ADAMTS19: variants seen among roughly 807,000 people sequenced by gnomAD.
ADAMTS19 encodes ADAM metallopeptidase with thrombospondin type 1 motif 19.
A neutral mutation model predicts 153.3 loss-of-function variants in ADAMTS19; 93 were observed. The observed-to-expected ratio is 0.61, with a 90% CI of 0.51 to 0.72. The LOEUF (loss-of-function observed/expected upper bound fraction) is 0.72. Ranked by LOEUF, ADAMTS19 falls within the 30% of genes least tolerant of loss-of-function variation. ADAMTS19 has a pLI of 0.00. For missense variants in ADAMTS19, 1,482 were observed against 1,552.1 expected, an observed-to-expected ratio of 0.95 and a Z score of 0.76; for synonymous variants, 600 against 556.6, an observed-to-expected ratio of 1.08 and a Z score of -1.10.
At chr5:129,582,999 T>C (rs971418061) in intron 7 of ADAMTS19, among the ~76,000 whole-genome samples, 3 of 152,212 alleles carry the variant, frequency 2.0e-5, no homozygotes, top group Non-Finnish European at 4.4e-5. Flanking sequence ...AGTTTCTTCA[T>C]AGTGTTGGTG....
chr5:129,497,872 C>T (rs749154414), intron 2 of ADAMTS19, among the ~76,000 whole-genome samples: 6 of 152,042 alleles, frequency 3.9e-5, no homozygotes, highest in Non-Finnish European at 7.4e-5. Flanking sequence ...AAACTGGCCT[C>T]CCTCATTCTA....
intron 7 of ADAMTS19, among the ~76,000 whole-genome samples, chr5:129,577,105 T>C (rs2126875586): frequency 6.6e-6 from 1 of 152,260 alleles, no homozygotes; most frequent in Admixed American, 6.5e-5. Flanking sequence ...CCAAAAGTGT[T>C]CACTAATCCT....
intron 10 of ADAMTS19, among the ~76,000 whole-genome samples, chr5:129,641,381 CA>C (rs1157556731): frequency 2.0e-5 from 3 of 152,108 alleles, no homozygotes; most frequent in African/African-American, 7.2e-5. Context: ...TATATTGTGT[CA>C]GGGGTCAAGA....
At chr5:129,640,634 C>T (rs1752747202) in intron 10 of ADAMTS19, among the ~76,000 whole-genome samples, 1 of 151,986 alleles carries the variant, frequency 6.6e-6, no homozygotes, top group Non-Finnish European at 1.5e-5. Context: ...TCTTTTCAGC[C>T]TTGTTCTTTA....
At chr5:129,702,449 TA>T (rs1375672390) in intron 20 of ADAMTS19, among the ~76,000 whole-genome samples, 5 of 152,122 alleles carry the variant, frequency 3.3e-5, no homozygotes, top group Admixed American at 2.6e-4. Flanking sequence ...AAATGATAAT[TA>T]AAAAATGCTG....
At chr5:129,585,086 A>G (rs1208566896) in intron 7 of ADAMTS19, among the ~76,000 whole-genome samples, 1 of 152,054 alleles carries the variant, frequency 6.6e-6, no homozygotes, top group Non-Finnish European at 1.5e-5. Context: ...AAAGCGTAGC[A>G]TTTGGGGCCG....
chr5:129,537,629 A>G (rs1454473513), intron 6 of ADAMTS19, among the ~76,000 whole-genome samples: 1 of 152,146 alleles, frequency 6.6e-6, no homozygotes, highest in Non-Finnish European at 1.5e-5. Flanking sequence ...CTTTGTAGGG[A>G]CATGGATGAA....
chr5:129,622,074 A>G (rs1228963032), intron 9 of ADAMTS19, 124 bp from the exon 10 acceptor site: 3 of 866,800 alleles, frequency 3.5e-6, no homozygotes, highest in African/African-American at 1.7e-5. Context: ...TTCTATGAGT[A>G]TTCAATGGAA....
At chr5:129,478,945 A>G (rs980918848) in intron 2 of ADAMTS19, among the ~76,000 whole-genome samples, 1 of 152,210 alleles carries the variant, frequency 6.6e-6, no homozygotes, top group African/African-American at 2.4e-5. Context: ...GGACCAGAAT[A>G]TAATAGCCAC....
chr5:129,552,629 A>G (rs1753164545), intron 7 of ADAMTS19, among the ~76,000 whole-genome samples: 1 of 151,842 alleles, frequency 6.6e-6, no homozygotes. Flanking sequence ...TTGGCATATC[A>G]TGTAGGGTTC....
chr5:129,645,957 C>G (rs563635556), intron 11 of ADAMTS19, among the ~76,000 whole-genome samples: 1 of 134,082 alleles, frequency 7.5e-6, no homozygotes, highest in East Asian at 2.4e-4. Context: ...GGCGGGATCT[C>G]GGCTCACTGC....
chr5:129,714,440 A>AAAGAAAAAAAG lies in ADAMTS19; in HGVS notation c.3312+10051_3312+10052insGAAAAAAAGAA, dbSNP rs1554109520. The stretch of plus-strand genomic sequence containing the variant: ...GACTCCGTCTCAAAAAAAAAAAAAA[A>AAAGAAAAAAAG]AAAGAAAAATATATATCTATAGGTC... On this transcript the variant is annotated intron_variant, in intron 21 of 22. Coordinates refer to ENST00000274487, the MANE Select transcript of ADAMTS19 (RefSeq NM_133638.6). 1.6e-3 allele frequency among the ~76,000 whole-genome samples: 242 copies of AAAGAAAAAAAG among 149,202 alleles called. 2 individuals carry two copies. The highest frequency in any genetic ancestry group is 5.6e-3 in the African/African-American group (230 of 40,712).
intron 2 of ADAMTS19, among the ~76,000 whole-genome samples, chr5:129,480,806 C>A (rs1167229250): frequency 6.6e-6 from 1 of 151,958 alleles, no homozygotes; most frequent in African/African-American, 2.4e-5. Context: ...CTCATATATT[C>A]CGCAAAATGG....
chr5:129,642,019 G>A, intron 11 of ADAMTS19, 59 bp downstream of exon 11: 1 of 1,060,012 alleles, frequency 9.4e-7, no homozygotes, highest in Non-Finnish European at 1.4e-6. Flanking sequence ...TGAGAATCTT[G>A]CATTTTCTCT....
intron 2 of ADAMTS19, among the ~76,000 whole-genome samples, chr5:129,481,543 C>T (rs528924927): frequency 1.1e-4 from 17 of 152,214 alleles, no homozygotes; most frequent in African/African-American, 4.1e-4. Context: ...CTTTTTGAAC[C>T]TGGAGGTACA....
intron 21 of ADAMTS19, among the ~76,000 whole-genome samples, chr5:129,733,073 C>A (rs1382367724): frequency 6.6e-6 from 1 of 151,946 alleles, no homozygotes; most frequent in Non-Finnish European, 1.5e-5. Flanking sequence ...CAACCCTATT[C>A]AATAAATGAT....
At chr5:129,609,356 T>C (rs1751085347) in intron 8 of ADAMTS19, among the ~76,000 whole-genome samples, 1 of 152,226 alleles carries the variant, frequency 6.6e-6, no homozygotes, top group Non-Finnish European at 1.5e-5. Flanking sequence ...TGTGATACTC[T>C]AGTGTCATGG....
chr5:129,510,958 G>C lies in ADAMTS19; in HGVS notation c.913+1716G>C, dbSNP rs546051120. 4.0e-5 allele frequency among the ~76,000 whole-genome samples: 6 copies of C among 151,318 alleles called. No homozygotes were observed. In the East Asian group the frequency reaches 7.8e-4, roughly 20 times the overall value. On this transcript the variant is annotated intron_variant, in intron 3 of 22. Coordinates refer to ENST00000274487, the MANE Select transcript of ADAMTS19 (RefSeq NM_133638.6). ...TGTAAGGAGTGCTAAGCTATCATCA[G>C]CTAAATGATTTACTGAGCTTACCTA...
At chr5:129,677,081 A>G (rs1045821116) in intron 16 of ADAMTS19, among the ~76,000 whole-genome samples, 5 of 152,252 alleles carry the variant, frequency 3.3e-5, no homozygotes, top group Admixed American at 2.0e-4. Context: ...CAAGGAAATA[A>G]TTTACCTTTT....
Sources: gnomAD v4.1 joint callset for allele counts (sites outside exome capture counted in the v4.1 genomes callset) on GRCh38, gnomAD v4.1.1 for gene constraint, MANE v1.5 for transcripts, NCBI Gene and HGNC (gene_info 2026-07-23, HGNC 2026-07-21) for gene names.